ATRNL1: variants seen among roughly 807,000 people sequenced by gnomAD.
The protein encoded by ATRNL1 is attractin-like protein 1.
A neutral mutation model predicts 182.7 loss-of-function variants in ATRNL1; 95 were observed. The observed-to-expected ratio is 0.52, with a 90% CI of 0.44 to 0.62. ATRNL1 has a LOEUF of 0.62. Among genes scored for constraint, ATRNL1 ranks in the 20% least tolerant of loss-of-function variants. The probability of loss-of-function intolerance (pLI) is 0.00; values close to 1 mark genes in which losing one functional copy is unlikely to be tolerated. For synonymous variants in ATRNL1, 576 were observed against 568.3 expected, an observed-to-expected ratio of 1.01 and a Z score of -0.19; for missense variants, 1,471 against 1,679.5, an observed-to-expected ratio of 0.88 and a Z score of 2.17.
chr10:115,233,969 G>A (rs1445481171), intron 9 of ATRNL1, among the ~76,000 whole-genome samples: 1 of 151,704 alleles, frequency 6.6e-6, no homozygotes, highest in Non-Finnish European at 1.5e-5. Flanking sequence ...CTCTTTGGTG[G>A]TGTTACTTCG....
At position 115,737,531 on chromosome 10, in the gene ATRNL1, C is replaced by G. The variant is rs116705758; in HGVS notation, c.3903+10176C>G. Among the ~76,000 whole-genome samples, 43 of 152,150 alleles carry G rather than the reference C, an allele frequency of 2.8e-4. 1 individual carries two copies. Among genetic ancestry groups the G allele is most frequent in the African/African-American group, 9.4e-4 (39 of 41,518 alleles). On this transcript the variant is annotated intron_variant, in intron 27 of 28. Transcript: ENST00000355044. ...TATCTGTAGTTGTCTCCTCTGGCAA[C>G]TCTATTTTACTGAACACAGGTTCTC...
intron 26 of ATRNL1, among the ~76,000 whole-genome samples, chr10:115,610,210 G>A (rs1393965375): frequency 2.0e-5 from 3 of 152,098 alleles, no homozygotes; most frequent in Admixed American, 2.0e-4. Context: ...TGCAAACCCA[G>A]GGTGTCACTG....
At chr10:115,281,284 A>G in intron 13 of ATRNL1, 71 bp from the exon 14 acceptor site, 2 of 1,366,388 alleles carry the variant, frequency 1.5e-6, no homozygotes, top group Non-Finnish European at 2.0e-6. Flanking sequence ...CAGAGGATTT[A>G]AATATACACT....
intron 26 of ATRNL1, among the ~76,000 whole-genome samples, chr10:115,648,491 T>C (rs1716151922): frequency 6.6e-6 from 1 of 152,198 alleles, no homozygotes; most frequent in East Asian, 1.9e-4. Context: ...GAGCCCACAT[T>C]GCCAAGACAA....
intron 28 of ATRNL1, among the ~76,000 whole-genome samples, chr10:115,883,633 G>T (rs1951878127): frequency 6.6e-6 from 1 of 152,236 alleles, no homozygotes; most frequent in East Asian, 1.9e-4. Context: ...CCACAAAAGG[G>T]TGTGAACTAT....
intron 26 of ATRNL1, chr10:115,597,748 A>G (rs1302377552): frequency 2.3e-6 from 1 of 436,336 alleles, no homozygotes; most frequent in Non-Finnish European, 4.6e-6. Flanking sequence ...GGGTTTCACC[A>G]TGTTGGCCAG....
chr10:115,097,499 A>G (rs1188934605), intron 1 of ATRNL1, among the ~76,000 whole-genome samples: 1 of 152,074 alleles, frequency 6.6e-6, no homozygotes, highest in Non-Finnish European at 1.5e-5. Flanking sequence ...ATTTATATAT[A>G]CATATATGAA....
At chr10:115,461,471 A>T (rs1847793316) in intron 21 of ATRNL1, among the ~76,000 whole-genome samples, 1 of 152,102 alleles carries the variant, frequency 6.6e-6, no homozygotes, top group Non-Finnish European at 1.5e-5. Flanking sequence ...TAAATACATT[A>T]TATGAGAAAT....
intron 5 of ATRNL1, among the ~76,000 whole-genome samples, chr10:115,129,854 A>T (rs1443184934): frequency 6.6e-6 from 1 of 152,184 alleles, no homozygotes; most frequent in Non-Finnish European, 1.5e-5. Context: ...GACTTCACTG[A>T]ATTTAATGTG....
chr10:115,281,075 A>C (rs1213296008), intron 13 of ATRNL1, among the ~76,000 whole-genome samples: 1 of 152,084 alleles, frequency 6.6e-6, no homozygotes, highest in African/African-American at 2.4e-5. Flanking sequence ...ATTGGCTGGG[A>C]CTCAACTATC....
intron 24 of ATRNL1, among the ~76,000 whole-genome samples, chr10:115,516,255 T>C (rs1850631716): frequency 1.3e-5 from 2 of 151,854 alleles, no homozygotes; most frequent in African/African-American, 4.8e-5. Flanking sequence ...ATCTTTCCAC[T>C]TGTTCTTGTG....
chr10:115,177,023 TA>T (rs1847536887), intron 8 of ATRNL1, among the ~76,000 whole-genome samples: 2 of 151,540 alleles, frequency 1.3e-5, no homozygotes, highest in African/African-American at 4.9e-5. Context: ...AAAAGGAGAA[TA>T]AAAGGATTGA....
chr10:115,888,427 A>G (rs1306598293), intron 28 of ATRNL1, among the ~76,000 whole-genome samples: 1 of 152,158 alleles, frequency 6.6e-6, no homozygotes, highest in Non-Finnish European at 1.5e-5. Flanking sequence ...CCAGAAGATG[A>G]TAGGTGATGT....
chr10:115,533,623 A>T (rs1440980051), intron 25 of ATRNL1, among the ~76,000 whole-genome samples: 3 of 151,548 alleles, frequency 2.0e-5, no homozygotes, highest in African/African-American at 7.3e-5. Flanking sequence ...CTTTGATTTT[A>T]GTTATTTCTT....
At chr10:115,267,770 T>C (rs1180615175) in intron 12 of ATRNL1, among the ~76,000 whole-genome samples, 5 of 152,078 alleles carry the variant, frequency 3.3e-5, no homozygotes, top group Non-Finnish European at 7.4e-5. Flanking sequence ...TACGTAAATT[T>C]ATTTATTTTA....
At chr10:115,895,144 C>T (rs1952174650) in intron 28 of ATRNL1, among the ~76,000 whole-genome samples, 2 of 152,096 alleles carry the variant, frequency 1.3e-5, no homozygotes, top group African/African-American at 4.8e-5. Context: ...CCTCCAAAGA[C>T]CATTTCTAAA....
intron 28 of ATRNL1, among the ~76,000 whole-genome samples, chr10:115,866,054 G>A (rs1951433683): frequency 6.6e-6 from 1 of 151,552 alleles, no homozygotes; most frequent in Non-Finnish European, 1.5e-5. Context: ...TCCTAATGCA[G>A]CATTTGGAGC....
At chr10:115,127,493 G>A (rs1690145689) in intron 3 of ATRNL1, 100 bp from the exon 4 acceptor site, 5 of 954,110 alleles carry the variant, frequency 5.2e-6, no homozygotes, top group Non-Finnish European at 7.6e-6. Context: ...TGACGTACAA[G>A]CATTACTGAT....
intron 26 of ATRNL1, among the ~76,000 whole-genome samples, chr10:115,702,587 C>T (rs1224968101): frequency 2.0e-5 from 3 of 151,900 alleles, no homozygotes; most frequent in Admixed American, 1.3e-4. Flanking sequence ...ACAACTTCAG[C>T]GAGGTTTTAG....
Sources: allele counts gnomAD v4.1 joint callset (sites outside exome capture counted in the v4.1 genomes callset), GRCh38; gene constraint gnomAD v4.1.1; transcripts MANE v1.5; gene names NCBI Gene and HGNC (gene_info 2026-07-23, HGNC 2026-07-21).